NBEAL1: variants seen among roughly 807,000 people sequenced by gnomAD.
NBEAL1 encodes the protein neurobeachin like 1.
In NBEAL1, 273 loss-of-function variants were observed where a neutral mutation model predicts 351.3. That is an observed-to-expected ratio of 0.78 (90% CI 0.70 to 0.86). The LOEUF (loss-of-function observed/expected upper bound fraction) is 0.86. Among genes scored for constraint, NBEAL1 ranks in the 40% least tolerant of loss-of-function variants. NBEAL1 has a pLI of 0.00. For synonymous variants in NBEAL1, 1,050 were observed against 1,086.4 expected (o/e 0.97, Z 0.66); for missense variants, 2,961 against 3,201.3 (o/e 0.92, Z 1.81).
At chr2:203,082,730 G>T (rs936758724) in intron 8 of NBEAL1, among the ~76,000 whole-genome samples, 3 of 152,152 alleles carry the variant, frequency 2.0e-5, no homozygotes, top group African/African-American at 4.8e-5. Context: ...GAAATCCAGG[G>T]TTAGGCAGTT....
In NBEAL1 at chr2:203,014,915, G is replaced by A. The variant is rs1386348382; in HGVS notation, c.-297G>A. The A allele has an allele frequency of 6.6e-6, 1 of 152,466 alleles. No individual in the cohort carries two copies. Among genetic ancestry groups the A allele is most frequent in the African/African-American group, 2.4e-5 (1 of 41,590 alleles). 9.4% of individuals were successfully genotyped at this position (152,466 alleles called of 1,614,324 possible). On this transcript the variant is annotated 5_prime_UTR_variant, in exon 1 of 56. Coordinates refer to ENST00000683969, the MANE Select transcript of NBEAL1 (RefSeq NM_001378026.1). ...TGGCTGCGGGGTGACACGGGGCTTC[G>A]CCTTGGGAAGGGGTCGAGGGAAGCA...
In NBEAL1 at chr2:203,183,271, T is replaced by C. The variant is rs776661582; in HGVS notation, c.6596-8T>C. 2 of 1,454,392 alleles carry C rather than the reference T, an allele frequency of 1.4e-6. No homozygotes were observed. The highest frequency in any genetic ancestry group is 1.2e-5 in the South Asian group (1 of 80,514). 90.1% of individuals were successfully genotyped at this position (1,454,392 alleles called of 1,614,324 possible). ...TGATTTGATACATTTTCTTTTTACA[T>C]GTCTTAGAATTTAACTTGGGTCGTC... On this transcript the variant is annotated splice_polypyrimidine_tract_variant and splice_region_variant and intron_variant, in intron 43 of 55. Transcript: ENST00000683969.
At chr2:203,185,911 AG>A (rs1334923335) in intron 44 of NBEAL1, among the ~76,000 whole-genome samples, 1 of 152,254 alleles carries the variant, frequency 6.6e-6, no homozygotes, top group African/African-American at 2.4e-5. Flanking sequence ...CAGTGCTAAC[AG>A]TGAGAAAGAA....
chr2:203,145,773 G>C (rs1236065998), intron 33 of NBEAL1, among the ~76,000 whole-genome samples: 3 of 139,834 alleles, frequency 2.1e-5, no homozygotes, highest in Non-Finnish European at 4.6e-5. Flanking sequence ...ACTCCAGCCT[G>C]GGCAACAGAG....
intron 46 of NBEAL1, chr2:203,190,597 G>A: frequency 1.7e-6 from 1 of 589,040 alleles, no homozygotes; most frequent in Non-Finnish European, 2.8e-6. Context: ...CCTCATGCTG[G>A]GACTCATTCC....
chr2:203,140,730 A>G (rs1201504001), intron 31 of NBEAL1, among the ~76,000 whole-genome samples: 2 of 152,222 alleles, frequency 1.3e-5, no homozygotes, highest in Admixed American at 1.3e-4. Context: ...AACTAATTCT[A>G]AAGTAATATC....
Position 203,138,665 on chromosome 2 carries a change from T to C in NBEAL1, c.4765T>C (p.Tyr1589His). The C allele has an allele frequency of 1.2e-6, 2 of 1,613,070 alleles. No individual in the cohort carries two copies. Among genetic ancestry groups the C allele is most frequent in the Non-Finnish European group, 1.7e-6 (2 of 1,179,558 alleles). ...GCTCTTTGACTGTCTGTCAGTCTGC[T>C]ATTCTGAAAGTCCAGTATGGGTAAA... is the stretch of plus-strand genomic sequence containing the variant. The part of the protein sequence containing the change: ...MLLFDCLSVC[Y>H]SESPVWVKLS... The change falls in exon 31 of 56, where the codon TAT (tyrosine) becomes CAT (histidine). Residue 1589 changes from tyrosine (Y) to histidine (H), a missense_variant. Physicochemically the swap from Tyr to His is moderately conservative, Grantham distance 83. Coordinates refer to ENST00000683969, the MANE Select transcript of NBEAL1 (RefSeq NM_001378026.1).
At chr2:203,130,182 ACAT>A in intron 24 of NBEAL1, 133 bp from the exon 25 acceptor site, 1 of 848,110 alleles carries the variant, frequency 1.2e-6, no homozygotes, top group Non-Finnish European at 1.7e-6. Flanking sequence ...TTTTAAAAAG[ACAT>A]CATATCAGAT....
chr2:203,058,297 C>G (rs1201601461), intron 6 of NBEAL1, among the ~76,000 whole-genome samples: 1 of 152,142 alleles, frequency 6.6e-6, no homozygotes, highest in Non-Finnish European at 1.5e-5. Flanking sequence ...CTCCCAAATA[C>G]TGGGATTATA....
intron 27 of NBEAL1, among the ~76,000 whole-genome samples, chr2:203,135,320 A>C (rs2063175338): frequency 6.6e-6 from 1 of 152,218 alleles, no homozygotes. Flanking sequence ...GTAGGTGTGC[A>C]ATAATATTTC....
chr2:203,134,682 A>G (rs2063157512), intron 27 of NBEAL1, among the ~76,000 whole-genome samples: 1 of 152,200 alleles, frequency 6.6e-6, no homozygotes, highest in African/African-American at 2.4e-5. Context: ...GCTTTTTAAG[A>G]ACTTGTTTTT....
intron 54 of NBEAL1, among the ~76,000 whole-genome samples, chr2:203,212,363 T>G (rs771288792): frequency 7.9e-5 from 12 of 151,560 alleles, no homozygotes; most frequent in Non-Finnish European, 1.3e-4. Flanking sequence ...TCCCAGCACT[T>G]TGGGAGGCTG....
chr2:203,111,958 ATG>A lies in NBEAL1; in HGVS notation c.2083-15_2083-14del, dbSNP rs2062582652. 1.9e-6 allele frequency: 3 copies of A among 1,540,752 alleles called. No individual in the cohort carries two copies. The highest frequency in any genetic ancestry group is 2.6e-6 in the Non-Finnish European group (3 of 1,144,854). ...GACATAATGTAATTTTATCCTTTAA[ATG>A]TGTGTTTCACTTTACCAGCACAACA... On this transcript the variant is annotated intron_variant, in intron 15 of 55. Coordinates refer to ENST00000683969, the MANE Select transcript of NBEAL1 (RefSeq NM_001378026.1).
chr2:203,056,179 A>G (rs2106091287), intron 4 of NBEAL1, among the ~76,000 whole-genome samples: 1 of 152,354 alleles, frequency 6.6e-6, no homozygotes, highest in Middle Eastern at 3.4e-3. Context: ...CCAATTTTCA[A>G]TAATAAATAG....
chr2:203,150,927 G>A (rs2063634652), intron 34 of NBEAL1, among the ~76,000 whole-genome samples: 1 of 152,182 alleles, frequency 6.6e-6, no homozygotes, highest in African/African-American at 2.4e-5. Context: ...GGCAAATAAT[G>A]TAGTCTGTTT....
intron 28 of NBEAL1, 97 bp downstream of exon 28, chr2:203,136,349 T>A: frequency 2.1e-6 from 2 of 949,220 alleles, no homozygotes; most frequent in Non-Finnish European, 3.1e-6. Flanking sequence ...AACAATTTCA[T>A]ATTGTATTCA....
chr2:203,207,732 A>T (rs1485258285), intron 51 of NBEAL1, among the ~76,000 whole-genome samples: 6 of 152,212 alleles, frequency 3.9e-5, no homozygotes, highest in Non-Finnish European at 8.8e-5. Context: ...GTTAAGAGTC[A>T]TCACCACTCC....
At position 203,120,396 on chromosome 2, in the gene NBEAL1, G is replaced by A. The variant is rs112355331; in HGVS notation, c.2593-1858G>A. 6.9e-3 allele frequency among the ~76,000 whole-genome samples: 1,052 copies of A among 152,254 alleles called. 7 individuals are homozygous for A. Among genetic ancestry groups the A allele is most frequent in the Non-Finnish European group, 0.011 (753 of 68,018 alleles). The stretch of plus-strand genomic sequence containing the variant: ...TACAATATTTCTTTGTTGGAATAAT[G>A]TACGGAATAATGTACAAATTAATAG... On this transcript the variant is annotated intron_variant, in intron 18 of 55. Coordinates refer to ENST00000683969, the MANE Select transcript of NBEAL1 (RefSeq NM_001378026.1).
At chr2:203,153,037 T>TCAA (rs199970297) in intron 35 of NBEAL1, among the ~76,000 whole-genome samples, 28 of 151,930 alleles carry the variant, frequency 1.8e-4, no homozygotes, top group South Asian at 6.2e-4. Flanking sequence ...AAACTCCTCC[T>TCAA]CAACAACAAC....
Sources: allele counts gnomAD v4.1 joint callset (sites outside exome capture counted in the v4.1 genomes callset), GRCh38; gene constraint gnomAD v4.1.1; transcripts MANE v1.5; gene names NCBI Gene and HGNC (gene_info 2026-07-23, HGNC 2026-07-21).